The following IL16 variants were observed in gnomAD, a reference collection of about 807,000 sequenced individuals.
IL16 encodes the protein interleukin 16, also known as pro-interleukin-16.
Under a neutral mutation model 110.1 loss-of-function variants are expected in IL16, and 67 were observed. The ratio of observed to expected loss-of-function variants is 0.61; its 90% CI spans 0.50 to 0.75. The LOEUF (loss-of-function observed/expected upper bound fraction) is 0.75, where lower values mean the gene tolerates loss of function less well. IL16 is among the 30% of genes least tolerant of loss of function. The pLI is 0.00. For missense variants in IL16, 1,545 were observed against 1,655.0 expected (o/e 0.93, Z 1.15); for synonymous variants, 689 against 662.9 (o/e 1.04, Z -0.61).
In IL16 at chr15:81,311,641, A is replaced by G. The variant is rs555366568; in HGVS notation, c.*2843A>G. 6.6e-6 allele frequency: 1 copy of G among 152,252 alleles called. No homozygotes were observed. Among genetic ancestry groups the G allele is most frequent in the Non-Finnish European group, 1.5e-5 (1 of 68,070 alleles). 9.4% of individuals were successfully genotyped at this position (152,252 alleles called of 1,614,324 possible). On this transcript the variant is annotated 3_prime_UTR_variant, in exon 19 of 19. Transcript: ENST00000683961. ...CTTGATAAGACCACCACCTCAGAGTATGGAGCTCAGAGAGGGCAGGCATGA... is the reference window on the plus strand; with the variant it reads ...CTTGATAAGACCACCACCTCAGAGTGTGGAGCTCAGAGAGGGCAGGCATGA...
chr15:81,225,482 C>G lies in IL16; in HGVS notation c.83C>G (p.Ala28Gly). The part of the protein sequence containing the change: ...SISRSLMLCN[A>G]KTSDDGSSPD... ...TCCAGGTCCCTGATGCTCTGTAATG[C>G]TAAGACCAGTGATGATGGCTCTAGC... is the stretch of plus-strand genomic sequence containing the variant. The change falls in exon 2 of 19, where the codon GCT becomes GGT. Residue 28 changes from alanine (A) to glycine (G), a missense_variant. By Grantham distance (60) the Ala-to-Gly change is moderately conservative. Around this residue, in one of 3 missense-constraint regions of IL16, gnomAD observed 1,185 missense variants for 1,238.8 expected, o/e 0.96. Transcript: ENST00000683961. 1 of 1,614,130 alleles carries G rather than the reference C, an allele frequency of 6.2e-7. No homozygotes were observed. The highest frequency in any genetic ancestry group is 1.1e-5 in the South Asian group (1 of 91,080).
At chr15:81,224,041 T>G (rs906288173) in intron 1 of IL16, among the ~76,000 whole-genome samples, 2 of 152,252 alleles carry the variant, frequency 1.3e-5, no homozygotes, top group African/African-American at 4.8e-5. Context: ...CAATCAATCA[T>G]TAATTCATTT....
chr15:81,274,511 G>A (rs941452300), intron 6 of IL16, among the ~76,000 whole-genome samples: 2 of 152,138 alleles, frequency 1.3e-5, no homozygotes, highest in Non-Finnish European at 2.9e-5. Context: ...AAAGAAACCA[G>A]AGAAAAAGGA....
chr15:81,258,887 G>A (rs1429913397), intron 2 of IL16, among the ~76,000 whole-genome samples: 3 of 151,916 alleles, frequency 2.0e-5, no homozygotes, highest in Non-Finnish European at 4.4e-5. Context: ...AGATCATTGT[G>A]GATAACAAAG....
Position 81,300,124 on chromosome 15 carries a change from C to T in IL16, c.2798C>T (p.Thr933Ile). ...CCAGGGCGGCAGCCCAATCAGAAAA[C>T]TCTCCCCCCTGGCCCGGACCCGCTC... ...PPPGRQPNQK[T>I]LPPGPDPLLR... Residue 933 changes from threonine to isoleucine, a missense_variant, in exon 14 of 19, where the codon ACT (threonine) becomes ATT (isoleucine). By Grantham distance (89) the Thr-to-Ile change is moderately conservative. Around this residue, in one of 3 missense-constraint regions of IL16, gnomAD observed 1,185 missense variants for 1,238.8 expected, o/e 0.96. Coordinates refer to ENST00000683961, the MANE Select transcript of IL16 (RefSeq NM_172217.5). 1 of 1,598,758 alleles carries T rather than the reference C, an allele frequency of 6.3e-7. No homozygotes were observed. Among genetic ancestry groups the T allele is most frequent in the Non-Finnish European group, 8.5e-7 (1 of 1,172,204 alleles).
At chr15:81,206,755 A>C (rs1024669841) in intron 1 of IL16, among the ~76,000 whole-genome samples, 1 of 152,246 alleles carries the variant, frequency 6.6e-6, no homozygotes, top group African/African-American at 2.4e-5. Context: ...TAAATTGGGA[A>C]TCAAAACTGC....
In IL16 at chr15:81,285,692, G is replaced by A. The variant is rs1441428348; in HGVS notation, c.1200-6G>A. On this transcript the variant is annotated splice_region_variant and splice_polypyrimidine_tract_variant and intron_variant, in intron 9 of 18. Coordinates refer to ENST00000683961, the MANE Select transcript of IL16 (RefSeq NM_172217.5). ...TACTGATGGCTTCTTATTGATGCTTGCACAGGTGTGGGGACGAGATTGTGG... is the reference window on the plus strand; with the variant it reads ...TACTGATGGCTTCTTATTGATGCTTACACAGGTGTGGGGACGAGATTGTGG... 1 of 1,613,820 alleles carries A rather than the reference G, an allele frequency of 6.2e-7. No homozygotes were observed. Among genetic ancestry groups the A allele is most frequent in the African/African-American group, 1.3e-5 (1 of 75,014 alleles).
chr15:81,182,927 G>T (rs1472138791), intron 1 of IL16: 2 of 1,276,512 alleles, frequency 1.6e-6, no homozygotes, highest in Admixed American at 4.6e-5. Flanking sequence ...TATCCCAGGG[G>T]ACTCAGGGGA....
At chr15:81,239,396 A>G (rs970345989) in intron 2 of IL16, among the ~76,000 whole-genome samples, 2 of 152,152 alleles carry the variant, frequency 1.3e-5, no homozygotes, top group East Asian at 3.9e-4. Flanking sequence ...GTCTTGCTCA[A>G]TCCCTGCAGT....
chr15:81,278,517 A>G (rs1899017016), intron 6 of IL16, among the ~76,000 whole-genome samples: 1 of 152,238 alleles, frequency 6.6e-6, no homozygotes, highest in Non-Finnish European at 1.5e-5. Flanking sequence ...TGTGAGGGTC[A>G]GGGAGACAAG....
At chr15:81,194,504 T>G, upstream of IL16, among the ~76,000 whole-genome samples, 1 of 150,884 alleles carries the variant, frequency 6.6e-6, no homozygotes, top group Middle Eastern at 3.4e-3. Context: ...AAAATTAAAA[T>G]TTTTTAAATT....
chr15:81,204,272 G>A (rs1895929621), intron 1 of IL16, among the ~76,000 whole-genome samples: 1 of 151,614 alleles, frequency 6.6e-6, no homozygotes, highest in Non-Finnish European at 1.5e-5. Flanking sequence ...CTGCAAACAG[G>A]GACAATTTGA....
chr15:81,209,594 G>A (rs2141985607), intron 1 of IL16, among the ~76,000 whole-genome samples: 1 of 152,208 alleles, frequency 6.6e-6, no homozygotes, highest in Middle Eastern at 3.4e-3. Flanking sequence ...AGCAAGGGAG[G>A]GTTTCAGTTG....
intron 2 of IL16, 107 bp downstream of exon 2, chr15:81,225,818 T>A: frequency 2.7e-6 from 3 of 1,098,706 alleles, no homozygotes; most frequent in Non-Finnish European, 2.6e-6. Flanking sequence ...TGCAGAGTTA[T>A]AATTCTGAAA....
At chr15:81,205,086 C>T (rs896605850) in intron 1 of IL16, among the ~76,000 whole-genome samples, 2 of 152,084 alleles carry the variant, frequency 1.3e-5, no homozygotes, top group African/African-American at 4.8e-5. Flanking sequence ...GTGGGTGGAT[C>T]ATTTGAGGCC....
chr15:81,196,592 C>T (rs1895602453), upstream of IL16, among the ~76,000 whole-genome samples: 1 of 152,200 alleles, frequency 6.6e-6, no homozygotes, highest in African/African-American at 2.4e-5. Context: ...AGGCACATTG[C>T]AGGCACCGAG....
At chr15:81,196,797 C>T (rs1253101934), upstream of IL16, 6 of 1,091,618 alleles carry the variant, frequency 5.5e-6, no homozygotes, top group South Asian at 6.4e-5. Flanking sequence ...GGCAGCCCCC[C>T]TTTTTGGATC....
chr15:81,223,218 A>G (rs998993139), intron 1 of IL16, among the ~76,000 whole-genome samples: 1 of 151,960 alleles, frequency 6.6e-6, no homozygotes, highest in African/African-American at 2.4e-5. Flanking sequence ...TAGGGAAAGG[A>G]AGCTGACTCT....
At chr15:81,273,312 C>G in intron 6 of IL16, 108 bp downstream of exon 6, 2 of 720,332 alleles carry the variant, frequency 2.8e-6, no homozygotes, top group Non-Finnish European at 4.5e-6. Flanking sequence ...CTTGAGTTGT[C>G]AGGATACGGC....
Sources: gnomAD v4.1 joint callset for allele counts (sites outside exome capture counted in the v4.1 genomes callset) on GRCh38, gnomAD v4.1.1 for gene constraint, gnomAD v4.1.1 regional missense constraint, MANE v1.5 for transcripts, NCBI Gene and HGNC (gene_info 2026-07-23, HGNC 2026-07-21) for gene names.